DYTN: variants seen among roughly 807,000 people sequenced by gnomAD.
DYTN encodes the protein dystrotelin.
A neutral mutation model predicts 69.6 loss-of-function variants in DYTN; 75 were observed. That is an observed-to-expected ratio of 1.08 (90% CI 0.89 to 1.31). The LOEUF (loss-of-function observed/expected upper bound fraction) is 1.31. Ranked by LOEUF, DYTN falls within the 50% of genes most tolerant of loss-of-function variation. The pLI is 0.00. For synonymous variants in DYTN, 252 were observed against 249.1 expected (o/e 1.01, Z -0.11); for missense variants, 726 against 688.4 (o/e 1.05, Z -0.61).
chr2:206,712,404 G>C (rs1174869551), intron 1 of DYTN, among the ~76,000 whole-genome samples: 1 of 152,170 alleles, frequency 6.6e-6, no homozygotes, highest in African/African-American at 2.4e-5. Flanking sequence ...TCAAACTGCA[G>C]AGGATGGAGC....
chr2:206,699,649 AG>A, intron 7 of DYTN, 77 bp downstream of exon 7: 2 of 1,480,256 alleles, frequency 1.4e-6, no homozygotes, highest in Non-Finnish European at 1.8e-6. Context: ...GACCCCAAAA[AG>A]AATCTGAAGG....
chr2:206,707,108 G>T (rs1281300327), intron 3 of DYTN, among the ~76,000 whole-genome samples, 194 bp downstream of exon 3: 5 of 152,060 alleles, frequency 3.3e-5, no homozygotes, highest in African/African-American at 1.2e-4. Flanking sequence ...CTATCCATGG[G>T]TCATTTATAT....
chr2:206,682,343 T>C (rs923365787), intron 9 of DYTN, among the ~76,000 whole-genome samples: 1 of 152,166 alleles, frequency 6.6e-6, no homozygotes, highest in Non-Finnish European at 1.5e-5. Context: ...CCTGGATTCA[T>C]TGACTTTTCA....
intron 9 of DYTN, among the ~76,000 whole-genome samples, chr2:206,680,033 C>T (rs1048141790): frequency 6.6e-6 from 1 of 152,148 alleles, no homozygotes; most frequent in Admixed American, 6.6e-5. Flanking sequence ...AGAGTGCCAG[C>T]GTGGTCGGTC....
At chr2:206,661,553 T>A (rs1272410718) in intron 11 of DYTN, among the ~76,000 whole-genome samples, 2 of 152,162 alleles carry the variant, frequency 1.3e-5, no homozygotes, top group Non-Finnish European at 1.5e-5. Context: ...CTCCCTCTTC[T>A]TCTCCTCAGC....
intron 5 of DYTN, among the ~76,000 whole-genome samples, chr2:206,704,427 G>A (rs1419483832): frequency 6.6e-6 from 1 of 152,148 alleles, no homozygotes; most frequent in Non-Finnish European, 1.5e-5. Context: ...AAAAGGTATG[G>A]GGTGTAAGGA....
intron 1 of DYTN, among the ~76,000 whole-genome samples, chr2:206,716,332 C>G (rs928481370): frequency 6.6e-6 from 1 of 152,074 alleles, no homozygotes; most frequent in Non-Finnish European, 1.5e-5. Flanking sequence ...AGAGCCATCC[C>G]AAAGTAGTGA....
At chr2:206,710,886 TA>T (rs571060196) in intron 1 of DYTN, among the ~76,000 whole-genome samples, 221 of 152,052 alleles carry the variant, frequency 1.5e-3, no homozygotes, top group Non-Finnish European at 2.1e-3. Flanking sequence ...ACAAACAGGA[TA>T]AAAAAAACTA....
chr2:206,701,983 G>T (rs1445318534), intron 5 of DYTN, among the ~76,000 whole-genome samples: 1 of 152,128 alleles, frequency 6.6e-6, no homozygotes, highest in Non-Finnish European at 1.5e-5. Flanking sequence ...TTTGCTCAAG[G>T]TCAAAAAAGC....
Position 206,662,555 on chromosome 2 carries a change from A to G in DYTN, c.1633+348T>C, listed in dbSNP as rs373572467. On this transcript the variant is annotated intron_variant, in intron 11 of 11. Transcript: ENST00000452335. ...GAAAGAGAGTTACAATATTATCACC[A>G]TTTTTAAATGGTGACATAGGCTGCC... 3.6e-3 allele frequency among the ~76,000 whole-genome samples: 542 copies of G among 152,048 alleles called. 3 individuals are homozygous for G. The highest frequency in any genetic ancestry group is 5.7e-3 in the Non-Finnish European group (388 of 67,964).
chr2:206,689,957 A>G (rs1287651427), intron 9 of DYTN, among the ~76,000 whole-genome samples: 2 of 152,240 alleles, frequency 1.3e-5, no homozygotes, highest in African/African-American at 2.4e-5. Flanking sequence ...TGGCAATACA[A>G]CTGGAAACAA....
At chr2:206,690,060 A>C (rs1462153959) in intron 9 of DYTN, among the ~76,000 whole-genome samples, 1 of 152,214 alleles carries the variant, frequency 6.6e-6, no homozygotes, top group Non-Finnish European at 1.5e-5. Flanking sequence ...GAGGGTGATT[A>C]AGTGCTCTGA....
chr2:206,670,075 A>T (rs996039927), intron 9 of DYTN, among the ~76,000 whole-genome samples: 1 of 152,256 alleles, frequency 6.6e-6, no homozygotes, highest in Non-Finnish European at 1.5e-5. Flanking sequence ...AAGACACAAT[A>T]AGAAGATGAT....
In DYTN at chr2:206,699,762, G is replaced by T. The variant is rs1023738821; in HGVS notation, c.684C>A (p.Cys228Ter). Residue 228 changes from cysteine (C) to a stop codon, truncating the protein, a stop_gained, in exon 7 of 12, where the codon TGC becomes TGA. Transcript: ENST00000452335. LOFTEE classifies it high-confidence loss of function. ...AAERVTHPAR[C>*]TLCRTFPITG... ...TGATTGGGAAAGTCCTGCAGAGAGT[G>T]CACCGAGCAGGGTGAGTGACCCTTT... 1.9e-6 allele frequency: 3 copies of T among 1,613,698 alleles called. No homozygotes were observed. The African/African-American group carries it at 4.0e-5, about 22-fold the overall frequency.
Position 206,685,795 on chromosome 2 carries a change from T to C in DYTN, c.980+7380A>G, listed in dbSNP as rs368626025. Among the ~76,000 whole-genome samples, 138 of 152,180 alleles carry C rather than the reference T, an allele frequency of 9.1e-4. 4 individuals carry two copies. The highest frequency in any genetic ancestry group is 3.1e-3 in the African/African-American group (128 of 41,510). On this transcript the variant is annotated intron_variant, in intron 9 of 11. Transcript: ENST00000452335. ...TTCATTTTTTCCCCTTACATAACTT[T>C]GCATTTAAATATATTCCCGGAATAT...
chr2:206,715,038 A>G (rs1394079208), intron 1 of DYTN, among the ~76,000 whole-genome samples: 1 of 152,098 alleles, frequency 6.6e-6, no homozygotes, highest in East Asian at 1.9e-4. Flanking sequence ...TAAGATACTA[A>G]GCAGCATTCC....
intron 9 of DYTN, among the ~76,000 whole-genome samples, chr2:206,692,261 T>C (rs1268995572): frequency 6.8e-6 from 1 of 146,476 alleles, no homozygotes; most frequent in African/African-American, 2.6e-5. Context: ...TGAGATCTTG[T>C]CTCTAAAAAA....
intron 9 of DYTN, among the ~76,000 whole-genome samples, chr2:206,688,070 AT>A (rs375465042): frequency 5.3e-5 from 8 of 152,342 alleles, no homozygotes; most frequent in African/African-American, 1.7e-4. Flanking sequence ...AATACAGTAG[AT>A]TATGCTCTAT....
chr2:206,710,874 A>T (rs905594717), intron 1 of DYTN, among the ~76,000 whole-genome samples: 23 of 152,230 alleles, frequency 1.5e-4, no homozygotes, highest in African/African-American at 4.8e-4. Context: ...ATGGCCTTTG[A>T]AACAAACAGG....
Sources: gnomAD v4.1 joint callset for allele counts (sites outside exome capture counted in the v4.1 genomes callset) on GRCh38, gnomAD v4.1.1 for gene constraint, MANE v1.5 for transcripts, NCBI Gene and HGNC (gene_info 2026-07-23, HGNC 2026-07-21) for gene names.